PTCD2: variants seen among roughly 807,000 people sequenced by gnomAD.
The protein encoded by PTCD2 is pentatricopeptide repeat domain 2.
Under a neutral mutation model 42.6 loss-of-function variants are expected in PTCD2, and 31 were observed. The observed-to-expected ratio is 0.73, with a 90% CI of 0.55 to 0.98. The LOEUF is 0.98. Among genes scored for constraint, PTCD2 ranks in the 50% least tolerant of loss-of-function variants. The pLI is 0.00. For synonymous variants in PTCD2, 183 were observed against 170.9 expected, an observed-to-expected ratio of 1.07 and a Z score of -0.55; for missense variants, 476 against 454.8, an observed-to-expected ratio of 1.05 and a Z score of -0.42.
chr5:72,344,871 C>T (rs1752279582), intron 8 of PTCD2, among the ~76,000 whole-genome samples: 1 of 152,060 alleles, frequency 6.6e-6, no homozygotes, highest in Non-Finnish European at 1.5e-5. Context: ...AGATCACGTG[C>T]TTCACAAGGT....
intron 9 of PTCD2, among the ~76,000 whole-genome samples, chr5:72,357,063 A>T (rs1455610536): frequency 6.6e-6 from 1 of 152,188 alleles, no homozygotes; most frequent in Non-Finnish European, 1.5e-5. Flanking sequence ...AAATACCATC[A>T]TATACTTGTG....
chr5:72,357,363 C>T (rs62364787), intron 9 of PTCD2, among the ~76,000 whole-genome samples: 1,754 of 152,310 alleles, frequency 0.012, 18 homozygotes, highest in Non-Finnish European at 0.019. Context: ...AAATATACCT[C>T]ACATAAGTGT....
chr5:72,361,293 G>A lies in PTCD2; in HGVS notation c.*2866G>A, dbSNP rs1753089676. 6.6e-6 allele frequency: 1 copy of A among 152,178 alleles called. No homozygotes were observed. 9.4% of individuals were successfully genotyped at this position (152,178 alleles called of 1,614,324 possible). A position where few individuals can be genotyped will look rare whatever the true frequency, so the allele number is the denominator to read the frequency against. ...CCTAAGTACTGACTGGGCTCAGCCA[G>A]ACAGTTCTTATTCGGGTTCTCATGC... On this transcript the variant is annotated 3_prime_UTR_variant, in exon 10 of 10. Coordinates refer to ENST00000380639, the MANE Select transcript of PTCD2 (RefSeq NM_024754.5).
intron 2 of PTCD2, among the ~76,000 whole-genome samples, chr5:72,325,554 C>T (rs1751092987): frequency 6.6e-6 from 1 of 152,186 alleles, no homozygotes. Flanking sequence ...CAGGTCCTTC[C>T]ATCTCTAGAG....
chr5:72,323,283 A>G (rs779656691), intron 2 of PTCD2, among the ~76,000 whole-genome samples: 1 of 152,196 alleles, frequency 6.6e-6, no homozygotes, highest in African/African-American at 2.4e-5. Flanking sequence ...GAGGGGGATT[A>G]TTATCCTGTT....
In PTCD2 at chr5:72,320,439, G is replaced by A; in HGVS notation, c.57G>A (p.Gln19=). 1 of 1,614,206 alleles carries A rather than the reference G, an allele frequency of 6.2e-7. No individual in the cohort carries two copies. Among genetic ancestry groups the A allele is most frequent in the Non-Finnish European group, 8.5e-7 (1 of 1,180,044 alleles). Residue 19 remains glutamine, a synonymous_variant, in exon 1 of 10, where the codon CAG becomes CAA. Coordinates refer to ENST00000380639, the MANE Select transcript of PTCD2 (RefSeq NM_024754.5). ...AFRPSNRVLL[Q]ALQILVYPGV... ...GGCCCTCGAATCGAGTTCTCCTGCAGGCGCTGCAGATTTTGGTGTATCCTG... is the reference window on the plus strand; with the variant it reads ...GGCCCTCGAATCGAGTTCTCCTGCAAGCGCTGCAGATTTTGGTGTATCCTG...
intron 4 of PTCD2, among the ~76,000 whole-genome samples, chr5:72,333,819 CTG>C (rs1187170766): frequency 9.2e-5 from 14 of 152,112 alleles, no homozygotes; most frequent in African/African-American, 3.4e-4. Flanking sequence ...CTTAGCCATT[CTG>C]TAATATATAC....
chr5:72,357,621 C>T (rs766870563), intron 9 of PTCD2, among the ~76,000 whole-genome samples: 2 of 152,152 alleles, frequency 1.3e-5, no homozygotes, highest in Non-Finnish European at 2.9e-5. Context: ...TCCTCCTGCT[C>T]TAATCATTAC....
intron 4 of PTCD2, among the ~76,000 whole-genome samples, chr5:72,334,120 C>G (rs1035972489): frequency 6.6e-6 from 1 of 152,096 alleles, no homozygotes; most frequent in Non-Finnish European, 1.5e-5. Flanking sequence ...CCCGCCTCTC[C>G]CTCCCAAAGT....
rs1192254088 is a variant in PTCD2, at chr5:72,361,648, T to C, written c.*3221T>C. ...ATAAATTCTGTGAAACTGTAGTAGA[T>C]AGTCTGTTTTCTCCCCTGTTTAAAA... On this transcript the variant is annotated 3_prime_UTR_variant, in exon 10 of 10. Coordinates refer to ENST00000380639, the MANE Select transcript of PTCD2 (RefSeq NM_024754.5). 1 of 152,264 alleles carries C rather than the reference T, an allele frequency of 6.6e-6. No homozygotes were observed. Among genetic ancestry groups the C allele is most frequent in the Non-Finnish European group, 1.5e-5 (1 of 68,064 alleles). 9.4% of individuals were successfully genotyped at this position (152,264 alleles called of 1,614,324 possible).
At chr5:72,342,128 A>G (rs909472071) in intron 7 of PTCD2, among the ~76,000 whole-genome samples, 1 of 152,156 alleles carries the variant, frequency 6.6e-6, no homozygotes, top group Non-Finnish European at 1.5e-5. Context: ...TAGACCGGTC[A>G]TTTGTAGATT....
At chr5:72,344,144 C>T (rs145574036) in intron 8 of PTCD2, among the ~76,000 whole-genome samples, 129 of 152,170 alleles carry the variant, frequency 8.5e-4, no homozygotes, top group Admixed American at 1.8e-3. Flanking sequence ...GAGGACAGGA[C>T]TGTGGGGTTG....
intron 2 of PTCD2, among the ~76,000 whole-genome samples, chr5:72,324,289 T>C (rs1054591663): frequency 6.6e-6 from 1 of 152,212 alleles, no homozygotes; most frequent in East Asian, 1.9e-4. Flanking sequence ...CAGACTGATA[T>C]GTTTAAAGTC....
chr5:72,358,145 G>A (rs1752970190), intron 9 of PTCD2, 58 bp from the exon 10 acceptor site: 3 of 1,427,922 alleles, frequency 2.1e-6, no homozygotes, highest in Non-Finnish European at 2.9e-6. Flanking sequence ...TAGGGTTATA[G>A]TAAGAATAAG....
At chr5:72,358,011 G>A (rs563996711) in intron 9 of PTCD2, among the ~76,000 whole-genome samples, 192 bp from the exon 10 acceptor site, 1 of 152,166 alleles carries the variant, frequency 6.6e-6, no homozygotes, top group South Asian at 2.1e-4. Context: ...TGTTGCCTAG[G>A]CTGGCCTAGA....
intron 6 of PTCD2, among the ~76,000 whole-genome samples, chr5:72,338,364 T>G (rs1437501919): frequency 6.6e-6 from 1 of 152,188 alleles, no homozygotes; most frequent in Non-Finnish European, 1.5e-5. Flanking sequence ...CATGTGTATG[T>G]TTTCTGGTTA....
chr5:72,356,694 A>T (rs1480289332), intron 9 of PTCD2, among the ~76,000 whole-genome samples: 1 of 152,226 alleles, frequency 6.6e-6, no homozygotes, highest in Non-Finnish European at 1.5e-5. Flanking sequence ...CCAGCTTGGC[A>T]TGTTTGCTCT....
At chr5:72,357,844 A>C (rs1216711258) in intron 9 of PTCD2, among the ~76,000 whole-genome samples, 1 of 147,924 alleles carries the variant, frequency 6.8e-6, no homozygotes, top group African/African-American at 2.5e-5. Context: ...GGTGTATACC[A>C]TACTTTTTTT....
At chr5:72,336,933 C>G (rs1423366380) in intron 6 of PTCD2, among the ~76,000 whole-genome samples, 1 of 152,086 alleles carries the variant, frequency 6.6e-6, no homozygotes, top group Non-Finnish European at 1.5e-5. Flanking sequence ...AGTAGAAGAA[C>G]ATGGGCTGTT....
Sources: allele counts gnomAD v4.1 joint callset (sites outside exome capture counted in the v4.1 genomes callset), GRCh38; gene constraint gnomAD v4.1.1; transcripts MANE v1.5; gene names NCBI Gene and HGNC (gene_info 2026-07-23, HGNC 2026-07-21).